Variants in FOXN2 observed in about 807,000 individuals in gnomAD.
The protein encoded by FOXN2 is forkhead box protein N2.
FOXN2 carries 19 observed loss-of-function variants against 41.2 expected under a neutral mutation model. The observed-to-expected ratio is 0.46, with a 90% CI of 0.32 to 0.68. The LOEUF is 0.68. Ranked by LOEUF, FOXN2 falls within the 30% of genes least tolerant of loss-of-function variation. FOXN2 has a pLI of 0.03. For missense variants in FOXN2, 587 were observed against 509.4 expected (o/e 1.15, Z -1.47); for synonymous variants, 195 against 176.8 (o/e 1.10, Z -0.82).
In FOXN2 at chr2:48,317,948, G is replaced by C. The variant is rs151062355; in HGVS notation, c.-157+3134G>C. ...TAATAATTTTATATCCTCTAAATGA[G>C]AAGGCTATCCCTGTCCTGCCACTAA... On this transcript the variant is annotated intron_variant, in intron 1 of 6. Transcript: ENST00000340553. Among the ~76,000 whole-genome samples, 7 of 152,090 alleles carry C rather than the reference G, an allele frequency of 4.6e-5. No homozygotes were observed. The East Asian group carries it at 1.4e-3, about 29-fold the overall frequency.
intron 2 of FOXN2, among the ~76,000 whole-genome samples, chr2:48,345,608 T>C (rs1033327530): frequency 2.6e-5 from 4 of 152,146 alleles, no homozygotes; most frequent in African/African-American, 9.7e-5. Flanking sequence ...CCCATAAATA[T>C]ATATAATCAT....
rs191052888 is a variant in FOXN2, at chr2:48,370,375, G to A, written c.704-2917G>A. Among the ~76,000 whole-genome samples, 275 of 152,292 alleles carry A rather than the reference G, an allele frequency of 1.8e-3. 1 individual carries two copies. The highest frequency in any genetic ancestry group is 0.017 in the Middle Eastern group (5 of 294). ...CTAGCCTCTTGGATGTGGCATGTGG[G>A]CATCATTGATTCAAATCCTTTGTAC... is the stretch of plus-strand genomic sequence containing the variant. On this transcript the variant is annotated intron_variant, in intron 5 of 6. Coordinates refer to ENST00000340553, the MANE Select transcript of FOXN2 (RefSeq NM_002158.4).
intron 4 of FOXN2, 129 bp from the exon 5 acceptor site, chr2:48,362,514 G>A: frequency 1.4e-6 from 1 of 718,910 alleles, no homozygotes; most frequent in Non-Finnish European, 2.4e-6. Flanking sequence ...GGCTGCAGTA[G>A]GCTGAAATCA....
Position 48,346,625 on chromosome 2 carries a change from A to G in FOXN2, c.411A>G (p.Glu137=). 6.2e-7 allele frequency: 1 copy of G among 1,614,198 alleles called. No homozygotes were observed. Among genetic ancestry groups the G allele is most frequent in the South Asian group, 1.1e-5 (1 of 91,088 alleles). Residue 137 remains glutamate (E), a synonymous_variant, in exon 3 of 7, where the codon GAA becomes GAG. Coordinates refer to ENST00000340553, the MANE Select transcript of FOXN2 (RefSeq NM_002158.4). Reference sequence around the variant, plus strand: ...CAAATAAATGTTTGCCTGTCAAAGAAATTTATAGCTGGATTCTGGACCATT... The same window carrying G: ...CAAATAAATGTTTGCCTGTCAAAGAGATTTATAGCTGGATTCTGGACCATT... ...HSPNKCLPVK[E]IYSWILDHFP...
intron 5 of FOXN2, among the ~76,000 whole-genome samples, chr2:48,363,995 G>C (rs1238891587): frequency 4.6e-5 from 7 of 152,114 alleles, no homozygotes; most frequent in Admixed American, 4.6e-4. Flanking sequence ...GAATGCCTGG[G>C]CTCAAGTGAT....
chr2:48,318,138 C>T (rs1669057876), intron 1 of FOXN2, among the ~76,000 whole-genome samples: 1 of 152,146 alleles, frequency 6.6e-6, no homozygotes, highest in Non-Finnish European at 1.5e-5. Flanking sequence ...GAGTATACCT[C>T]ACCCAGTTTC....
intron 1 of FOXN2, among the ~76,000 whole-genome samples, chr2:48,326,024 T>A (rs1669650672): frequency 6.6e-6 from 1 of 152,040 alleles, no homozygotes; most frequent in South Asian, 2.1e-4. Flanking sequence ...AATATTTGTA[T>A]TTTTAGTATA....
At chr2:48,346,838 C>T (rs1399456601) in intron 3 of FOXN2, 87 bp downstream of exon 3, 1 of 1,118,196 alleles carries the variant, frequency 8.9e-7, no homozygotes, top group Non-Finnish European at 1.2e-6. Flanking sequence ...ATCGGGGAGA[C>T]AATAAGTAGT....
chr2:48,323,590 G>C (rs1669478266), intron 1 of FOXN2, among the ~76,000 whole-genome samples: 1 of 152,044 alleles, frequency 6.6e-6, no homozygotes, highest in Non-Finnish European at 1.5e-5. Context: ...TGTTTTTCTT[G>C]TTGAGTTGTT....
At chr2:48,339,833 C>CATAAT (rs1670621955) in intron 2 of FOXN2, among the ~76,000 whole-genome samples, 2 of 152,118 alleles carry the variant, frequency 1.3e-5, no homozygotes, top group Non-Finnish European at 2.9e-5. Flanking sequence ...ACAAAGACTT[C>CATAAT]TATAACAGTA....
chr2:48,358,821 A>G (rs1457530732), intron 3 of FOXN2, among the ~76,000 whole-genome samples: 3 of 152,220 alleles, frequency 2.0e-5, no homozygotes, highest in Non-Finnish European at 4.4e-5. Flanking sequence ...CCAGAAGCTA[A>G]TAACATTTGA....
chr2:48,338,986 A>T lies in FOXN2; in HGVS notation c.-14-7215A>T, dbSNP rs898225323. On this transcript the variant is annotated intron_variant, in intron 2 of 6. Coordinates refer to ENST00000340553, the MANE Select transcript of FOXN2 (RefSeq NM_002158.4). Reference sequence around the variant, plus strand: ...AAGTTATTAGTATCCAAACATTACAAATCATTAAGAAAACCCATAAAAAAA... The same window carrying T: ...AAGTTATTAGTATCCAAACATTACATATCATTAAGAAAACCCATAAAAAAA... 3.3e-5 allele frequency among the ~76,000 whole-genome samples: 5 copies of T among 152,148 alleles called. No homozygotes were observed. The East Asian group carries it at 7.7e-4, about 23-fold the overall frequency.
intron 1 of FOXN2, among the ~76,000 whole-genome samples, chr2:48,325,844 C>CTTTTTT (rs959535701): frequency 2.0e-4 from 21 of 102,898 alleles, no homozygotes; most frequent in African/African-American, 4.4e-4. Context: ...CTCAAGATTT[C>CTTTTTT]TTTTTTTTTT....
At chr2:48,361,026 A>G (rs1032452279) in intron 4 of FOXN2, among the ~76,000 whole-genome samples, 2 of 151,936 alleles carry the variant, frequency 1.3e-5, no homozygotes, top group Non-Finnish European at 2.9e-5. Context: ...AAAAAAAAAA[A>G]AGATTATATG....
intron 3 of FOXN2, among the ~76,000 whole-genome samples, chr2:48,355,670 T>C (rs925470746): frequency 2.0e-5 from 3 of 152,196 alleles, no homozygotes; most frequent in African/African-American, 7.2e-5. Context: ...GCATTGCATT[T>C]GGCAACCTTG....
In FOXN2 at chr2:48,375,191, C is replaced by T. The variant is rs1408606029; in HGVS notation, c.1044C>T (p.His348=). 2 of 1,614,064 alleles carry T rather than the reference C, an allele frequency of 1.2e-6. No individual in the cohort carries two copies. Among genetic ancestry groups the T allele is most frequent in the Non-Finnish European group, 1.7e-6 (2 of 1,179,990 alleles). ...HVGSDGSEGF[H]SEEDTDVDYE... ...GAAGTGATGGCAGTGAAGGATTTCA[C>T]AGTGAAGAAGATACAGACGTTGATT... Residue 348 remains histidine (H), a synonymous_variant, in exon 7 of 7, where the codon CAC becomes CAT. Transcript: ENST00000340553.
intron 3 of FOXN2, among the ~76,000 whole-genome samples, chr2:48,347,952 C>G (rs1160264373): frequency 2.6e-5 from 4 of 151,828 alleles, no homozygotes; most frequent in South Asian, 2.1e-4. Context: ...TGTAATGTCT[C>G]TTTTTTTAAT....
In FOXN2 at chr2:48,374,265, GA is replaced by G. The variant is rs568217734; in HGVS notation, c.773-652del. On this transcript the variant is annotated intron_variant, in intron 6 of 6. Transcript: ENST00000340553. ...TATGACTAGGTGGATCTTAGAAGAG[GA>G]AATATATGTGGGCAATACACATGTG... 7.0e-3 allele frequency among the ~76,000 whole-genome samples: 1,072 copies of G among 152,212 alleles called. 8 individuals carry two copies. Among genetic ancestry groups the G allele is most frequent in the South Asian group, 0.031 (149 of 4,820 alleles).
chr2:48,322,571 A>G (rs1212226833), intron 1 of FOXN2, among the ~76,000 whole-genome samples: 1 of 151,770 alleles, frequency 6.6e-6, no homozygotes, highest in Non-Finnish European at 1.5e-5. Flanking sequence ...TGCTTTCTTT[A>G]CACCTTCTGT....
Sources: allele counts gnomAD v4.1 joint callset (sites outside exome capture counted in the v4.1 genomes callset), GRCh38; gene constraint gnomAD v4.1.1; transcripts MANE v1.5; gene names NCBI Gene and HGNC (gene_info 2026-07-23, HGNC 2026-07-21).